Variants in CELF2 observed in about 807,000 individuals in gnomAD.
CELF2 encodes the protein CUG triplet repeat RNA-binding protein 2.
Under a neutral mutation model 62.6 loss-of-function variants are expected in CELF2, and 8 were observed. The ratio of observed to expected loss-of-function variants is 0.13; its 90% CI spans 0.07 to 0.23. The LOEUF (loss-of-function observed/expected upper bound fraction) is 0.23. Ranked by LOEUF, CELF2 falls within the 10% of genes least tolerant of loss-of-function variation. The pLI is 1.00. For synonymous variants in CELF2, 258 were observed against 250.0 expected (o/e 1.03, Z -0.30); for missense variants, 333 against 671.0 (o/e 0.50, Z 5.56).
chr10:11,010,105 G>C lies in CELF2; in HGVS notation c.53+4665G>C, dbSNP rs2056171474. 6.6e-6 allele frequency: 1 copy of C among 152,210 alleles called. No individual in the cohort carries two copies. Among genetic ancestry groups the C allele is most frequent in the Non-Finnish European group, 1.5e-5 (1 of 68,056 alleles). The allele number at this position is 152,210 out of a possible 1,614,324, so 9.4% of individuals were successfully genotyped here. A position where few individuals can be genotyped will look rare whatever the true frequency, so the allele number is the denominator to read the frequency against. On this transcript the variant is annotated intron_variant, in intron 1 of 12. Transcript: ENST00000416382. The surrounding 1 kb of genome is among the most constrained non-coding windows in gnomAD (Gnocchi z 4.1). ...TGCGATGTTGCTCATGCTTTGCTTT[G>C]TGAACATCCTGGGCTGAGAGTCCAG...
the CELF2 span, among the ~76,000 whole-genome samples, chr10:10,589,592 G>C: frequency 1.3e-5 from 2 of 152,140 alleles, no homozygotes; most frequent in East Asian, 1.9e-4. Flanking sequence ...AACCCCATTT[G>C]AGAGAATGTG....
chr10:10,622,766 T>A, the CELF2 span, among the ~76,000 whole-genome samples: 22 of 152,066 alleles, frequency 1.4e-4, no homozygotes, highest in African/African-American at 5.1e-4. Context: ...TGTGTGATTG[T>A]GGACCTGGCT....
In CELF2 at chr10:11,253,546, A is replaced by G. The variant is rs1261176996; in HGVS notation, c.404-4192A>G. Among the ~76,000 whole-genome samples, 8 of 152,260 alleles carry G rather than the reference A, an allele frequency of 5.3e-5. No individual in the cohort carries two copies. In the East Asian group the frequency reaches 1.5e-3, roughly 29 times the overall value. The stretch of plus-strand genomic sequence containing the variant: ...TTTGGAGGCAGTAATTAAATGCCAT[A>G]TGTTAGCACTAACACATTGAAAAGT... On this transcript the variant is annotated intron_variant, in intron 4 of 12. Transcript: ENST00000633077.
chr10:10,607,295 G>C, the CELF2 span, among the ~76,000 whole-genome samples: 2 of 151,918 alleles, frequency 1.3e-5, no homozygotes, highest in Non-Finnish European at 2.9e-5. Flanking sequence ...TTTTATTTAT[G>C]TAAAGAAAAT....
At chr10:11,028,397 C>T (rs997277045) in intron 1 of CELF2, among the ~76,000 whole-genome samples, 5 of 149,382 alleles carry the variant, frequency 3.3e-5, no homozygotes, top group Admixed American at 6.8e-5. Flanking sequence ...GTTAAGGAAA[C>T]GATTTTTTCT....
the CELF2 span, among the ~76,000 whole-genome samples, chr10:10,602,340 C>G: frequency 6.6e-6 from 1 of 152,030 alleles, no homozygotes; most frequent in East Asian, 1.9e-4. Flanking sequence ...AATCTTTGAA[C>G]CCTGGTTACA....
Position 11,267,813 on chromosome 10 carries a change from G to A in CELF2, c.618+1136G>A, listed in dbSNP as rs2082588801. 6.6e-6 allele frequency among the ~76,000 whole-genome samples: 1 copy of A among 152,176 alleles called. No individual in the cohort carries two copies. The highest frequency in any genetic ancestry group is 1.5e-5 in the Non-Finnish European group (1 of 68,034). On this transcript the variant is annotated intron_variant, in intron 6 of 12. Coordinates refer to ENST00000633077, the MANE Select transcript of CELF2 (RefSeq NM_001326342.2). The surrounding 1 kb of genome is among the most constrained non-coding windows in gnomAD (Gnocchi z 4.4). ...AATCAAAAGGTGGGTGCAAAGGGGG[G>A]AAGGAGTGTGCATGGCATTGTCATT...
the CELF2 span, among the ~76,000 whole-genome samples, chr10:10,658,477 C>T: frequency 1.3e-5 from 2 of 152,130 alleles, no homozygotes; most frequent in Admixed American, 6.5e-5. Context: ...GATAAGTCAA[C>T]ATAAATCTAT....
intron 3 of CELF2, among the ~76,000 whole-genome samples, chr10:11,236,016 C>T (rs1018533689): frequency 6.6e-6 from 1 of 152,162 alleles, no homozygotes; most frequent in Admixed American, 6.5e-5. Context: ...ATGAAGTTGT[C>T]ATTCCTAAAC....
Position 10,924,514 on chromosome 10 carries a change from A to T in CELF2, c.89+4515A>T, listed in dbSNP as rs1315330983. Among the ~76,000 whole-genome samples, 4 of 152,152 alleles carry T rather than the reference A, an allele frequency of 2.6e-5. 1 individual carries two copies. Among genetic ancestry groups the T allele is most frequent in the South Asian group, 4.1e-4 (2 of 4,828 alleles). ...TACTGCAGTAGAGATTCATATGTTG[A>T]TTCTTAAACACAGCACCGAAAAGTC... On this transcript the variant is annotated intron_variant, in intron 2 of 13. Transcript: ENST00000636488.
At chr10:10,550,981 A>G in the CELF2 span, among the ~76,000 whole-genome samples, 2 of 152,142 alleles carry the variant, frequency 1.3e-5, no homozygotes, top group Admixed American at 6.6e-5. Context: ...TACAGGCATG[A>G]GCCACCACGC....
intron 1 of CELF2, among the ~76,000 whole-genome samples, chr10:11,030,181 T>C (rs529138881): frequency 7.9e-5 from 12 of 152,244 alleles, no homozygotes; most frequent in Non-Finnish European, 1.6e-4. Context: ...TGTGGTTACA[T>C]TTTCTGAACT....
At chr10:10,505,885 CTA>C in the CELF2 span, among the ~76,000 whole-genome samples, 1 of 152,302 alleles carries the variant, frequency 6.6e-6, no homozygotes, top group Admixed American at 6.5e-5. Context: ...GACTTCAGCT[CTA>C]TATCTGGGAA....
chr10:11,052,049 G>A (rs1324034663), intron 1 of CELF2, among the ~76,000 whole-genome samples: 2 of 152,026 alleles, frequency 1.3e-5, no homozygotes, highest in Admixed American at 1.3e-4. Flanking sequence ...GGGGCTACAG[G>A]TGTGCAATGC....
the CELF2 span, among the ~76,000 whole-genome samples, chr10:10,541,488 A>G: frequency 1.3e-5 from 2 of 152,142 alleles, no homozygotes; most frequent in Non-Finnish European, 2.9e-5. Context: ...TCGCTATTTT[A>G]TGGCTATTTC....
chr10:11,016,334 G>T (rs1276671221), upstream of CELF2, among the ~76,000 whole-genome samples: 1 of 152,164 alleles, frequency 6.6e-6, no homozygotes, highest in Non-Finnish European at 1.5e-5. The surrounding 1 kb of genome is among the most constrained non-coding windows in gnomAD (Gnocchi z 5.2). Context: ...GGTTCCTCCA[G>T]TAAGGTAGTA....
In CELF2 at chr10:11,333,122, G is replaced by A. The variant is rs1181568627; in HGVS notation, c.*4069G>A. 1 of 152,132 alleles carries A rather than the reference G, an allele frequency of 6.6e-6. No individual in the cohort carries two copies. The highest frequency in any genetic ancestry group is 1.5e-5 in the Non-Finnish European group (1 of 68,032). 9.4% of individuals were successfully genotyped at this position (152,132 alleles called of 1,614,324 possible). The stretch of plus-strand genomic sequence containing the variant: ...CCCACCTGCATGCATCTCCCCCAGA[G>A]GAAACACTGAGGGTAGGGGACAGGA... On this transcript the variant is annotated 3_prime_UTR_variant, in exon 13 of 13. Coordinates refer to ENST00000633077, the MANE Select transcript of CELF2 (RefSeq NM_001326342.2).
At chr10:11,116,994 G>T (rs148180646) in intron 1 of CELF2, among the ~76,000 whole-genome samples, 2 of 152,222 alleles carry the variant, frequency 1.3e-5, no homozygotes, top group Admixed American at 1.3e-4. Context: ...GGAAACTTGG[G>T]CACAGTTAAG....
intron 1 of CELF2, among the ~76,000 whole-genome samples, chr10:10,844,667 C>T (rs949200364): frequency 6.6e-6 from 1 of 152,114 alleles, no homozygotes; most frequent in Admixed American, 6.6e-5. Context: ...TAAGCCTTTT[C>T]TCTCTAGTTA....
Sources: gnomAD v4.1 joint callset for allele counts (sites outside exome capture counted in the v4.1 genomes callset) on GRCh38, gnomAD v4.1.1 for gene constraint, Gnocchi (gnomAD v3.1) non-coding constraint, MANE v1.5 for transcripts, NCBI Gene and HGNC (gene_info 2026-07-23, HGNC 2026-07-21) for gene names.